ITGBL1: variants seen among roughly 807,000 people sequenced by gnomAD.
The protein encoded by ITGBL1 is integrin subunit beta like 1.
In ITGBL1, 51 loss-of-function variants were observed where a neutral mutation model predicts 68.5. The observed-to-expected ratio is 0.74, with a 90% CI of 0.59 to 0.94. ITGBL1 has a LOEUF of 0.94. Among genes scored for constraint, ITGBL1 ranks in the 40% least tolerant of loss-of-function variants. The pLI, the probability that ITGBL1 is intolerant of heterozygous loss-of-function variation, is 0.00. For missense variants in ITGBL1, 649 were observed against 647.4 expected (o/e 1.00, Z -0.03); for synonymous variants, 209 against 227.3 (o/e 0.92, Z 0.72).
At chr13:101,543,039 A>T (rs1461328573) in intron 2 of ITGBL1, among the ~76,000 whole-genome samples, 5 of 152,182 alleles carry the variant, frequency 3.3e-5, no homozygotes, top group Middle Eastern at 3.4e-3. Context: ...TTTTAATTGG[A>T]GCATTTAGCC....
intron 7 of ITGBL1, among the ~76,000 whole-genome samples, chr13:101,614,668 G>C (rs969535691): frequency 6.6e-6 from 1 of 152,104 alleles, no homozygotes; most frequent in South Asian, 2.1e-4. Flanking sequence ...TCGCAGCTAC[G>C]GTGAGAGGCG....
chr13:101,464,744 A>G (rs2048360991), intron 2 of ITGBL1, among the ~76,000 whole-genome samples: 1 of 152,138 alleles, frequency 6.6e-6, no homozygotes. Flanking sequence ...ACATATGTGA[A>G]TATGTAAGTA....
intron 2 of ITGBL1, among the ~76,000 whole-genome samples, chr13:101,536,289 A>G (rs1480256092): frequency 2.0e-5 from 3 of 151,996 alleles, no homozygotes; most frequent in African/African-American, 7.2e-5. Context: ...TTGTATTTTT[A>G]TTTTTAACTT....
chr13:101,645,711 G>C (rs1248640999), intron 7 of ITGBL1, among the ~76,000 whole-genome samples: 2 of 152,164 alleles, frequency 1.3e-5, no homozygotes, highest in African/African-American at 4.8e-5. Flanking sequence ...AAGAAGTGAA[G>C]ATGAAAAGCT....
At chr13:101,524,129 AT>A (rs36014394) in intron 2 of ITGBL1, among the ~76,000 whole-genome samples, 153 of 145,206 alleles carry the variant, frequency 1.1e-3, no homozygotes, top group South Asian at 3.9e-3. Flanking sequence ...TTTTTTTTTA[AT>A]TTTTTTTTTT....
At chr13:101,687,865 C>A (rs1360000436) in intron 7 of ITGBL1, among the ~76,000 whole-genome samples, 1 of 151,950 alleles carries the variant, frequency 6.6e-6, no homozygotes, top group Non-Finnish European at 1.5e-5. Flanking sequence ...AAATTACTTG[C>A]TTTATTTTTA....
At chr13:101,700,380 A>G (rs759895662) in intron 8 of ITGBL1, among the ~76,000 whole-genome samples, 1 of 152,148 alleles carries the variant, frequency 6.6e-6, no homozygotes, top group African/African-American at 2.4e-5. Context: ...TCCATCACCA[A>G]AATAGATTTC....
At chr13:101,528,557 C>A (rs980066149) in intron 2 of ITGBL1, among the ~76,000 whole-genome samples, 2 of 151,742 alleles carry the variant, frequency 1.3e-5, no homozygotes, top group East Asian at 1.9e-4. Context: ...ACTCTTAGAT[C>A]ATTGATTTTT....
chr13:101,636,178 C>G (rs1659411812), intron 7 of ITGBL1, among the ~76,000 whole-genome samples: 1 of 151,992 alleles, frequency 6.6e-6, no homozygotes, highest in African/African-American at 2.4e-5. Flanking sequence ...TCAACAGATT[C>G]CTAATGGCAA....
At chr13:101,717,005 A>G (rs2034749238), downstream of ITGBL1, 1 of 151,958 alleles carries the variant, frequency 6.6e-6, no homozygotes, top group Non-Finnish European at 1.5e-5. Flanking sequence ...AATTATTTAG[A>G]GCTAAAAAAA....
intron 2 of ITGBL1, among the ~76,000 whole-genome samples, chr13:101,465,767 G>A (rs568824163): frequency 6.6e-6 from 1 of 152,244 alleles, no homozygotes; most frequent in Non-Finnish European, 1.5e-5. Context: ...TGAGGTTGAG[G>A]ATCCCTGCAA....
intron 2 of ITGBL1, among the ~76,000 whole-genome samples, chr13:101,518,911 C>G (rs1282448060): frequency 6.6e-6 from 1 of 152,114 alleles, no homozygotes; most frequent in Non-Finnish European, 1.5e-5. Flanking sequence ...AATTACTCAG[C>G]TAGTTACCAC....
intron 7 of ITGBL1, among the ~76,000 whole-genome samples, chr13:101,685,152 A>G (rs2033726834): frequency 1.3e-5 from 2 of 152,026 alleles, no homozygotes; most frequent in South Asian, 4.1e-4. Flanking sequence ...TTTGATTGGT[A>G]CAATATTGAT....
chr13:101,475,237 G>C (rs1189782803), intron 2 of ITGBL1, among the ~76,000 whole-genome samples: 1 of 152,102 alleles, frequency 6.6e-6, no homozygotes, highest in Non-Finnish European at 1.5e-5. Flanking sequence ...ATTTAGCAAA[G>C]AGATTGAAAT....
chr13:101,507,196 G>A (rs747901341), intron 2 of ITGBL1, among the ~76,000 whole-genome samples: 5 of 152,134 alleles, frequency 3.3e-5, no homozygotes, highest in African/African-American at 4.8e-5. Context: ...TTCATCTATT[G>A]AGAAGTCAGA....
chr13:101,651,319 G>C (rs2032741659), intron 7 of ITGBL1, among the ~76,000 whole-genome samples: 2 of 152,042 alleles, frequency 1.3e-5, no homozygotes, highest in Non-Finnish European at 1.5e-5. Context: ...GTTGTTTCTT[G>C]ACTTTTTAAT....
chr13:101,598,174 G>A lies in ITGBL1; in HGVS notation c.890G>A (p.Gly297Glu). ...FCSGHGQCNC[G>E]RCDCKAGWYG... ...GAAGGTCATGGACAGTGTAATTGCG[G>A]AAGATGTGACTGCAAAGCAGGCTGG... Residue 297 changes from glycine (G) to glutamate (E), a missense_variant, in exon 7 of 11, where the codon GGA becomes GAA. Physicochemically the swap from Gly to Glu is moderately conservative, Grantham distance 98. Coordinates refer to ENST00000376180, the MANE Select transcript of ITGBL1 (RefSeq NM_004791.3). 1.2e-6 allele frequency: 2 copies of A among 1,613,342 alleles called. No individual in the cohort carries two copies. The highest frequency in any genetic ancestry group is 1.7e-6 in the Non-Finnish European group (2 of 1,179,662).
intron 7 of ITGBL1, among the ~76,000 whole-genome samples, chr13:101,647,986 C>T (rs900437181): frequency 2.0e-5 from 3 of 152,126 alleles, no homozygotes; most frequent in Non-Finnish European, 4.4e-5. Flanking sequence ...CATGTTCTTA[C>T]AGAAGCGTAT....
At chr13:101,698,217 G>A (rs1440454549) in intron 8 of ITGBL1, among the ~76,000 whole-genome samples, 1 of 152,100 alleles carries the variant, frequency 6.6e-6, no homozygotes, top group Non-Finnish European at 1.5e-5. Flanking sequence ...AGTAAAATAT[G>A]GTACTTGACT....
Sources: gnomAD v4.1 joint callset for allele counts (sites outside exome capture counted in the v4.1 genomes callset) on GRCh38, gnomAD v4.1.1 for gene constraint, MANE v1.5 for transcripts, NCBI Gene and HGNC (gene_info 2026-07-23, HGNC 2026-07-21) for gene names.